The following SEPTIN9 variants were observed in gnomAD, a reference collection of about 807,000 sequenced individuals.
The protein encoded by SEPTIN9 is septin 9.
In SEPTIN9, 13 loss-of-function variants were observed where a neutral mutation model predicts 56.6. That is an observed-to-expected ratio of 0.23 (90% CI 0.15 to 0.37). SEPTIN9 has a LOEUF of 0.37. Among genes scored for constraint, SEPTIN9 ranks in the 10% least tolerant of loss-of-function variants. The pLI, the probability that SEPTIN9 is intolerant of heterozygous loss-of-function variation, is 1.00. For missense variants in SEPTIN9, 650 were observed against 823.1 expected (o/e 0.79, Z 2.57); for synonymous variants, 332 against 334.1 (o/e 0.99, Z 0.07).
chr17:77,460,533 G>T (rs951439558), intron 3 of SEPTIN9, among the ~76,000 whole-genome samples: 1 of 152,218 alleles, frequency 6.6e-6, no homozygotes, highest in Admixed American at 6.5e-5. Context: ...AAGGCTCCTG[G>T]CTGGCGTGGC....
chr17:77,295,942 G>T (rs1316141384), intron 1 of SEPTIN9, among the ~76,000 whole-genome samples: 3 of 152,126 alleles, frequency 2.0e-5, no homozygotes, highest in Non-Finnish European at 4.4e-5. Flanking sequence ...TTCCTGCGTT[G>T]AAGCCCTAAC....
intron 2 of SEPTIN9, chr17:77,377,308 TG>T (rs1348557179): frequency 1.3e-5 from 2 of 151,964 alleles, no homozygotes; most frequent in Non-Finnish European, 2.9e-5. Flanking sequence ...TTCTGGTTGG[TG>T]GAGGCACGGG....
At chr17:77,360,049 T>G (rs1056349593) in intron 2 of SEPTIN9, among the ~76,000 whole-genome samples, 5 of 149,510 alleles carry the variant, frequency 3.3e-5, no homozygotes. Context: ...CCCAGCTACT[T>G]GGAAGGCTGA....
At chr17:77,293,442 G>A (rs1017617354) in intron 1 of SEPTIN9, among the ~76,000 whole-genome samples, 4 of 152,098 alleles carry the variant, frequency 2.6e-5, no homozygotes, top group Non-Finnish European at 4.4e-5. Flanking sequence ...GATTACAGGC[G>A]GGAGCCACAG....
In SEPTIN9 at chr17:77,436,997, C is replaced by T. The variant is rs1341870698; in HGVS notation, c.721+34294C>T. On this transcript the variant is annotated intron_variant, in intron 3 of 11. Transcript: ENST00000427177. This position sits in a 1 kb window ranked among gnomAD's most constrained non-coding sequence, Gnocchi z 4.4. Reference sequence around the variant, plus strand: ...TGCAGATCACCTGGCCTCACTCCCTCGGTTTACAGTGGAGGAAACTAGAGG... The same window carrying T: ...TGCAGATCACCTGGCCTCACTCCCTTGGTTTACAGTGGAGGAAACTAGAGG... 2.0e-5 allele frequency among the ~76,000 whole-genome samples: 3 copies of T among 152,320 alleles called. No individual in the cohort carries two copies. Among genetic ancestry groups the T allele is most frequent in the Non-Finnish European group, 2.9e-5 (2 of 68,022 alleles).
chr17:77,423,697 G>A (rs935410304), intron 3 of SEPTIN9, among the ~76,000 whole-genome samples: 5 of 152,232 alleles, frequency 3.3e-5, no homozygotes, highest in Non-Finnish European at 1.5e-5. Context: ...TGCCCCCGTC[G>A]CGTTCCTGCT....
intron 3 of SEPTIN9, among the ~76,000 whole-genome samples, chr17:77,465,005 G>C (rs2038652375): frequency 6.6e-6 from 1 of 152,028 alleles, no homozygotes; most frequent in South Asian, 2.1e-4. Context: ...TCCCAACTCC[G>C]GGCTCTCAGC....
rs2033138612 is a variant in SEPTIN9 at position 77,326,311 on chromosome 17, ACAAGTG to A, written c.76+19119_76+19124del. On this transcript the variant is annotated intron_variant, in intron 2 of 11. Transcript: ENST00000427177. This position sits in a 1 kb window ranked among gnomAD's most constrained non-coding sequence, Gnocchi z 5.1. Reference sequence around the variant, plus strand: ...ACAGTCCTTGCCCTCATGGGACTGCACAAGTGCAAGACCACATCAGTAAACGTGAAA... The same window carrying A: ...ACAGTCCTTGCCCTCATGGGACTGCACAAGACCACATCAGTAAACGTGAAA... 6.6e-6 allele frequency among the ~76,000 whole-genome samples: 1 copy of A among 152,252 alleles called. No individual in the cohort carries two copies. The highest frequency in any genetic ancestry group is 1.5e-5 in the Non-Finnish European group (1 of 68,040).
chr17:77,412,533 T>C (rs1273965765), intron 3 of SEPTIN9, among the ~76,000 whole-genome samples: 1 of 152,064 alleles, frequency 6.6e-6, no homozygotes, highest in East Asian at 1.9e-4. Context: ...GCTTAGGAGT[T>C]CGAGACCAGC....
At chr17:77,361,643 T>G (rs2034420607) in intron 2 of SEPTIN9, among the ~76,000 whole-genome samples, 1 of 152,136 alleles carries the variant, frequency 6.6e-6, no homozygotes, top group Non-Finnish European at 1.5e-5. Context: ...TCTTTTCTTT[T>G]TTTTTTTGAG....
chr17:77,363,526 T>C (rs1197248295), intron 2 of SEPTIN9, among the ~76,000 whole-genome samples: 1 of 151,932 alleles, frequency 6.6e-6, no homozygotes. Flanking sequence ...TAGCTGGGAT[T>C]ACAGGCACCT....
At chr17:77,312,593 G>A (rs1028090500) in intron 2 of SEPTIN9, among the ~76,000 whole-genome samples, 5 of 152,166 alleles carry the variant, frequency 3.3e-5, no homozygotes, top group African/African-American at 7.2e-5. Flanking sequence ...GAGCCACGGC[G>A]GGATGCTTTC....
intron 1 of SEPTIN9, among the ~76,000 whole-genome samples, chr17:77,291,757 C>T (rs1329895780): frequency 2.0e-5 from 3 of 152,162 alleles, no homozygotes; most frequent in Admixed American, 2.0e-4. Flanking sequence ...GGAGTACAGG[C>T]GTGAGTCACT....
At chr17:77,471,146 C>A in intron 3 of SEPTIN9, 1 of 152,542 alleles carries the variant, frequency 6.6e-6, no homozygotes, top group Non-Finnish European at 1.5e-5. Context: ...CCCTTCACCC[C>A]TTTCCCCCAC....
intron 1 of SEPTIN9, among the ~76,000 whole-genome samples, chr17:77,304,481 G>A (rs940437272): frequency 6.6e-6 from 1 of 152,218 alleles, no homozygotes; most frequent in East Asian, 1.9e-4. Context: ...AGGCCCTGGG[G>A]TATTTAACCT....
In SEPTIN9 at chr17:77,411,649, C is replaced by G. The variant is rs892153104; in HGVS notation, c.721+8946C>G. 3.9e-5 allele frequency among the ~76,000 whole-genome samples: 6 copies of G among 151,936 alleles called. No individual in the cohort carries two copies. In the South Asian group the frequency reaches 1.2e-3, roughly 32 times the overall value. On this transcript the variant is annotated intron_variant, in intron 3 of 11. Transcript: ENST00000427177. ...ACTCCTGACCTTGAGATCCGCCCAC[C>G]TCGGCCTCCCAAAGTAGCACGTTCC...
rs2031187013 is a variant in SEPTIN9 at position 77,284,534 on chromosome 17, C to A, written c.19+2980C>A. On this transcript the variant is annotated intron_variant, in intron 1 of 11. Transcript: ENST00000427177. The stretch of plus-strand genomic sequence containing the variant: ...CCGCCAGCCCCTTGGGATTAAATCT[C>A]ACCAGGCTGCGCCTCTCCCTGTGGC... Among the ~76,000 whole-genome samples the A allele has an allele frequency of 2.6e-5, 4 of 152,370 alleles. 1 individual carries two copies. The South Asian group carries it at 8.3e-4, about 32-fold the overall frequency.
chr17:77,310,353 G>A lies in SEPTIN9; in HGVS notation c.76+3156G>A, dbSNP rs768907137. Among the ~76,000 whole-genome samples the A allele has an allele frequency of 3.3e-5, 5 of 152,148 alleles. No individual in the cohort carries two copies. The highest frequency in any genetic ancestry group is 4.8e-5 in the African/African-American group (2 of 41,412). On this transcript the variant is annotated intron_variant, in intron 2 of 11. Coordinates refer to ENST00000427177, the MANE Select transcript of SEPTIN9 (RefSeq NM_001113491.2). This position sits in a 1 kb window ranked among gnomAD's most constrained non-coding sequence, Gnocchi z 4.7. ...CTAGGTCTGTCTCCTCTTGAATGCC[G>A]TCATCAGCATCACATCCTTGGTGCC...
At chr17:77,396,136 C>G (rs1028321896) in intron 2 of SEPTIN9, among the ~76,000 whole-genome samples, 2 of 152,108 alleles carry the variant, frequency 1.3e-5, no homozygotes, top group Non-Finnish European at 2.9e-5. Context: ...ACCTCCTGCT[C>G]TATGGGTGGG....
Sources: gnomAD v4.1 joint callset for allele counts (sites outside exome capture counted in the v4.1 genomes callset) on GRCh38, gnomAD v4.1.1 for gene constraint, Gnocchi (gnomAD v3.1) non-coding constraint, MANE v1.5 for transcripts, NCBI Gene and HGNC (gene_info 2026-07-23, HGNC 2026-07-21) for gene names.